The following GREB1L variants were observed in gnomAD, a reference collection of about 807,000 sequenced individuals.
GREB1L encodes GREB1-like protein.
In GREB1L, 17 loss-of-function variants were observed where a neutral mutation model predicts 200.8. The ratio of observed to expected loss-of-function variants is 0.08; its 90% CI spans 0.06 to 0.13. GREB1L has a LOEUF of 0.13. GREB1L is among the 10% of genes least tolerant of loss of function. The probability of loss-of-function intolerance (pLI) is 1.00; values close to 1 mark genes in which losing one functional copy is unlikely to be tolerated. For missense variants in GREB1L, 1,657 were observed against 2,367.7 expected (o/e 0.70, Z 6.23); for synonymous variants, 789 against 893.0 (o/e 0.88, Z 2.08).
At chr18:21,453,021 G>C (rs1235483233) in intron 14 of GREB1L, among the ~76,000 whole-genome samples, 1 of 152,152 alleles carries the variant, frequency 6.6e-6, no homozygotes, top group East Asian at 1.9e-4. Flanking sequence ...ACTTCTCAAT[G>C]GTATTTGGTA....
rs144689000 is a variant in GREB1L, at chr18:21,329,315, A to G, written c.-119-36712A>G. Among the ~76,000 whole-genome samples the G allele has an allele frequency of 5.1e-3, 695 of 136,396 alleles. 3 individuals carry two copies. Among genetic ancestry groups the G allele is most frequent in the South Asian group, 7.5e-3 (33 of 4,380 alleles). 89.5% of individuals were successfully genotyped at this position (136,396 alleles called of 152,430 possible). ...ACTCCAGCCTGGGCGACAGAGTGAGACTCTGTCTAAAAAAAAAAAAAAAAA... is the reference window on the plus strand; with the variant it reads ...ACTCCAGCCTGGGCGACAGAGTGAGGCTCTGTCTAAAAAAAAAAAAAAAAA... On this transcript the variant is annotated intron_variant, in intron 1 of 32. Transcript: ENST00000424526.
chr18:21,307,574 G>T (rs1349650112), intron 1 of GREB1L, among the ~76,000 whole-genome samples: 1 of 152,064 alleles, frequency 6.6e-6, no homozygotes, highest in Non-Finnish European at 1.5e-5. Context: ...AAACATCACT[G>T]GTTCAGGGAT....
chr18:21,440,841 A>C (rs545796887), intron 9 of GREB1L, among the ~76,000 whole-genome samples: 149 of 152,348 alleles, frequency 9.8e-4, no homozygotes, highest in African/African-American at 3.5e-3. Context: ...TCCACAGTTC[A>C]AACATTTGTC....
chr18:21,401,060 A>G, intron 5 of GREB1L, 90 bp from the exon 6 acceptor site: 1 of 1,099,260 alleles, frequency 9.1e-7, no homozygotes, highest in Non-Finnish European at 1.3e-6. Flanking sequence ...TTTTGGGTCA[A>G]AGAATGTGAA....
At chr18:21,443,913 A>G (rs1292475483) in intron 10 of GREB1L, among the ~76,000 whole-genome samples, 1 of 152,256 alleles carries the variant, frequency 6.6e-6, no homozygotes, top group Non-Finnish European at 1.5e-5. Flanking sequence ...AGCAAATTCA[A>G]GTTTCACTTC....
intron 1 of GREB1L, among the ~76,000 whole-genome samples, chr18:21,260,101 C>T (rs1283126150): frequency 1.3e-5 from 2 of 151,856 alleles, no homozygotes; most frequent in South Asian, 2.1e-4. Flanking sequence ...AACTATTCTA[C>T]TGATGTAGAT....
At chr18:21,280,459 T>C (rs9959780) in intron 1 of GREB1L, among the ~76,000 whole-genome samples, 4,449 of 152,144 alleles carry the variant, frequency 0.029, 233 homozygotes, top group African/African-American at 0.099. Context: ...ATTCACCTTT[T>C]GAAGAACATC....
At chr18:21,521,180 G>C (rs892311850) in intron 32 of GREB1L, among the ~76,000 whole-genome samples, 19 of 150,660 alleles carry the variant, frequency 1.3e-4, no homozygotes, top group Admixed American at 7.3e-4. Flanking sequence ...CTGGGCAACA[G>C]AGCAAGACTC....
chr18:21,505,787 G>A, intron 24 of GREB1L, 23 bp from the exon 25 acceptor site: 3 of 1,544,750 alleles, frequency 1.9e-6, no homozygotes, highest in African/African-American at 1.4e-5. Flanking sequence ...TCATGGGATG[G>A]CTTTTTGCCC....
At chr18:21,502,065 A>G (rs1286419889) in intron 23 of GREB1L, among the ~76,000 whole-genome samples, 5 of 152,204 alleles carry the variant, frequency 3.3e-5, no homozygotes, top group African/African-American at 1.2e-4. Context: ...GTTCGAGACC[A>G]ACATGGTGAA....
intron 7 of GREB1L, among the ~76,000 whole-genome samples, chr18:21,432,041 G>A (rs372682538): frequency 2.0e-3 from 293 of 149,524 alleles, no homozygotes; most frequent in African/African-American, 7.1e-3. Flanking sequence ...TCCTGCCTCA[G>A]CATCCCGAGT....
intron 27 of GREB1L, among the ~76,000 whole-genome samples, chr18:21,512,198 G>A (rs779543270): frequency 5.9e-5 from 9 of 152,272 alleles, no homozygotes; most frequent in Non-Finnish European, 1.0e-4. Context: ...TGGATGAATC[G>A]CAGGATAGAT....
chr18:21,268,302 A>G (rs2144219183), intron 1 of GREB1L, among the ~76,000 whole-genome samples: 1 of 151,730 alleles, frequency 6.6e-6, no homozygotes, highest in South Asian at 2.1e-4. Context: ...TGTGCCAAGT[A>G]GACACTAAAG....
chr18:21,357,157 C>G (rs1421982425), intron 1 of GREB1L, among the ~76,000 whole-genome samples: 1 of 152,152 alleles, frequency 6.6e-6, no homozygotes, highest in Non-Finnish European at 1.5e-5. Flanking sequence ...TGGGTTCAAG[C>G]AATTCTTCTG....
intron 1 of GREB1L, among the ~76,000 whole-genome samples, chr18:21,304,226 TATTA>T: frequency 9.4e-6 from 1 of 106,482 alleles, no homozygotes; most frequent in Admixed American, 1.0e-4. Context: ...AAGCCCATAT[TATTA>T]TTATTATTAT....
intron 29 of GREB1L, 24 bp downstream of exon 29, chr18:21,515,668 G>A: frequency 1.3e-6 from 2 of 1,486,508 alleles, no homozygotes; most frequent in Non-Finnish European, 1.8e-6. Context: ...CATGGATGCA[G>A]GTAATCCTGG....
intron 1 of GREB1L, among the ~76,000 whole-genome samples, chr18:21,320,777 GA>G (rs999425635): frequency 6.7e-6 from 1 of 149,296 alleles, no homozygotes; most frequent in African/African-American, 2.5e-5. Flanking sequence ...AAAAAAAAAA[GA>G]AAAAACTATT....
At chr18:21,285,001 C>A (rs1336949156) in intron 1 of GREB1L, among the ~76,000 whole-genome samples, 2 of 151,998 alleles carry the variant, frequency 1.3e-5, no homozygotes, top group Non-Finnish European at 1.5e-5. Context: ...CTGTTTAAAT[C>A]CTTTGCCCAG....
chr18:21,350,824 T>C (rs2039421789), intron 1 of GREB1L, among the ~76,000 whole-genome samples: 2 of 152,310 alleles, frequency 1.3e-5, no homozygotes, highest in Middle Eastern at 6.8e-3. Flanking sequence ...ATTTGGGGTA[T>C]GCAGGGAGAA....
Sources: allele counts gnomAD v4.1 joint callset (sites outside exome capture counted in the v4.1 genomes callset), GRCh38; gene constraint gnomAD v4.1.1; transcripts MANE v1.5; gene names NCBI Gene and HGNC (gene_info 2026-07-23, HGNC 2026-07-21).